The following MYO9A variants were observed in gnomAD, a reference collection of about 807,000 sequenced individuals.
MYO9A encodes the protein unconventional myosin-IXa.
Under a neutral mutation model 293.3 loss-of-function variants are expected in MYO9A, and 103 were observed. The ratio of observed to expected loss-of-function variants is 0.35; its 90% CI spans 0.30 to 0.41. MYO9A has a LOEUF of 0.41. MYO9A is among the 10% of genes least tolerant of loss of function. The probability of loss-of-function intolerance (pLI) is 1.00; values close to 1 mark genes in which losing one functional copy is unlikely to be tolerated. For synonymous variants in MYO9A, 1,001 were observed against 1,035.7 expected (o/e 0.97, Z 0.64); for missense variants, 2,685 against 3,033.0 (o/e 0.89, Z 2.69).
intron 1 of MYO9A, among the ~76,000 whole-genome samples, chr15:72,074,950 C>CTTTTTTTTTTTTTTTTTTTTTTTT (rs1567012010): frequency 2.8e-5 from 2 of 71,666 alleles, no homozygotes; most frequent in African/African-American, 5.0e-5. Context: ...ATTTTCACTG[C>CTTTTTTTTTTTTTTTTTTTTTTTT]CTTTTTTTTT....
In MYO9A at chr15:71,978,417, T is replaced by C. The variant is rs190237317; in HGVS notation, c.1723-125A>G. On this transcript the variant is annotated intron_variant, in intron 11 of 41. Transcript: ENST00000356056. ...TTTTAAAAATCACCAATCCACACAA[T>C]GAAAGAATGTATAATTTCAGTTGTA... 7 of 689,006 alleles carry C rather than the reference T, an allele frequency of 1.0e-5. No homozygotes were observed. In the South Asian group the frequency reaches 1.6e-4, roughly 16 times the overall value. 42.7% of individuals were successfully genotyped at this position (689,006 alleles called of 1,614,324 possible).
intron 12 of MYO9A, among the ~76,000 whole-genome samples, chr15:71,968,423 T>C (rs1039329845): frequency 3.3e-5 from 5 of 152,198 alleles, no homozygotes; most frequent in Admixed American, 3.3e-4. Context: ...ATTGCAGTGT[T>C]CTGAACTACT....
chr15:71,831,078 A>G (rs988708959), intron 39 of MYO9A, among the ~76,000 whole-genome samples: 2 of 151,158 alleles, frequency 1.3e-5, no homozygotes, highest in South Asian at 4.2e-4. Flanking sequence ...GCTAAGAAAC[A>G]TAAAAACTCA....
intron 1 of MYO9A, among the ~76,000 whole-genome samples, chr15:72,105,321 T>A (rs917211181): frequency 6.6e-6 from 1 of 152,008 alleles, no homozygotes; most frequent in African/African-American, 2.4e-5. Context: ...ACTCCTGGGC[T>A]CAAGTGATCC....
intron 32 of MYO9A, among the ~76,000 whole-genome samples, chr15:71,863,745 C>T (rs2056229033): frequency 6.6e-6 from 1 of 152,080 alleles, no homozygotes; most frequent in Non-Finnish European, 1.5e-5. Flanking sequence ...GAAGTCAGGG[C>T]TTTTAGGGTA....
chr15:72,004,562 A>C (rs2076964189), intron 8 of MYO9A, among the ~76,000 whole-genome samples: 1 of 152,202 alleles, frequency 6.6e-6, no homozygotes, highest in South Asian at 2.1e-4. Context: ...CATCTCAAAA[A>C]AACAACAAAA....
At chr15:72,041,105 T>C in intron 2 of MYO9A, 1 of 538,386 alleles carries the variant, frequency 1.9e-6, no homozygotes, top group Non-Finnish European at 3.5e-6. Context: ...ATTAGCCAGG[T>C]GTGGTGGTAC....
intron 1 of MYO9A, among the ~76,000 whole-genome samples, chr15:72,093,356 T>C (rs902972604): frequency 6.6e-6 from 1 of 150,510 alleles, no homozygotes; most frequent in African/African-American, 2.4e-5. Flanking sequence ...AGTGAGACCC[T>C]GTCTCTACAA....
Position 72,046,317 on chromosome 15 carries a change from C to T in MYO9A, c.247G>A (p.Val83Ile), listed in dbSNP as rs771114375. 19 of 1,613,952 alleles carry T rather than the reference C, an allele frequency of 1.2e-5. No homozygotes were observed. The East Asian group carries it at 4.2e-4, about 36-fold the overall frequency. Reference protein sequence around the residue: ...EWILNPTDCPVQRMMLWPRMA... With the variant: ...EWILNPTDCPIQRMMLWPRMA... ...CGGGGCCACAGCATCATTCGCTGAA[C>T]TGGACAATCTGTTGGATTGAGAATC... The change falls in exon 2 of 42, where the codon GTT becomes ATT. Residue 83 changes from valine to isoleucine, a missense_variant. This residue lies in a region of MYO9A where 22 missense variants were observed against 47.2 expected (regional missense o/e 0.47). Transcript: ENST00000356056.
rs1191520697 is a variant in MYO9A at position 71,836,229 on chromosome 15, G to T, written c.6838-5918C>A. On this transcript the variant is annotated intron_variant, in intron 39 of 41. Transcript: ENST00000356056. ...AAAAACAGGCAAGAGCTTTGAACAG[G>T]CTCCTCACAAAAGAGGATACAGAAA... Among the ~76,000 whole-genome samples, 5 of 151,862 alleles carry T rather than the reference G, an allele frequency of 3.3e-5. No homozygotes were observed. The South Asian group carries it at 1.0e-3, about 31-fold the overall frequency.
In MYO9A at chr15:72,118,117, G is replaced by A. The variant is rs1417697552; in HGVS notation, c.-509C>T. 8 of 384,670 alleles carry A rather than the reference G, an allele frequency of 2.1e-5. No individual in the cohort carries two copies. Among genetic ancestry groups the A allele is most frequent in the Non-Finnish European group, 3.2e-5 (7 of 217,984 alleles). The allele number at this position is 384,670 out of a possible 1,614,324, so 23.8% of individuals were successfully genotyped here. ...CCGCGCACGCGGCCCCGCCCCGCGC[G>A]ACTCCCCGGCTGCAGGCGAGCAGGC... On this transcript the variant is annotated 5_prime_UTR_variant, in exon 1 of 42. Coordinates refer to ENST00000356056, the MANE Select transcript of MYO9A (RefSeq NM_006901.4).
At chr15:71,982,005 ATTTTTTTTT>A (rs750930471) in intron 11 of MYO9A, among the ~76,000 whole-genome samples, 4 of 56,308 alleles carry the variant, frequency 7.1e-5, no homozygotes, top group African/African-American at 2.6e-4. Context: ...CCTATTTAGA[ATTTTTTTTT>A]TTTTTTTTTT....
intron 32 of MYO9A, among the ~76,000 whole-genome samples, chr15:71,869,644 T>C (rs2056446728): frequency 6.6e-6 from 1 of 152,128 alleles, no homozygotes; most frequent in South Asian, 2.1e-4. Context: ...ACTGCAATTA[T>C]ATTATGTCAA....
At chr15:71,994,332 C>A in intron 10 of MYO9A, 137 bp downstream of exon 10, 1 of 482,798 alleles carries the variant, frequency 2.1e-6, no homozygotes, top group East Asian at 3.4e-5. Context: ...TTCTTCTGAA[C>A]AGGGTAATAA....
At chr15:71,891,476 AAAGCAG>A (rs1041533536) in intron 26 of MYO9A, 11 of 152,246 alleles carry the variant, frequency 7.2e-5, no homozygotes, top group Admixed American at 7.2e-4. Context: ...TATACTAGAC[AAAGCAG>A]GACTTTTCAT....
Position 71,897,708 on chromosome 15 carries a change from G to T in MYO9A, c.4795C>A (p.Arg1599=), listed in dbSNP as rs1165785666. Residue 1599 remains arginine (R), a synonymous_variant, in exon 25 of 42, where the codon CGA becomes AGA. Transcript: ENST00000356056. ...CTTTCAAAGAACACGGTGACAGGTCGGTCCTTTGGGGGTAAGTGAGCAGAG... is the reference window on the plus strand; with the variant it reads ...CTTTCAAAGAACACGGTGACAGGTCTGTCCTTTGGGGGTAAGTGAGCAGAG... ...SSSAHLPPKD[R]PVTVFFERKG... is the part of the protein sequence containing the mutation. 6.2e-7 allele frequency: 1 copy of T among 1,614,098 alleles called. No homozygotes were observed. The highest frequency in any genetic ancestry group is 1.3e-5 in the African/African-American group (1 of 75,042).
At chr15:71,869,011 G>A in intron 32 of MYO9A, among the ~76,000 whole-genome samples, 1 of 152,048 alleles carries the variant, frequency 6.6e-6, no homozygotes, top group East Asian at 1.9e-4. Flanking sequence ...AATAAAAAGG[G>A]AATGCTTGTC....
At chr15:72,055,752 T>C (rs1381475930) in intron 1 of MYO9A, among the ~76,000 whole-genome samples, 1 of 151,504 alleles carries the variant, frequency 6.6e-6, no homozygotes, top group Non-Finnish European at 1.5e-5. Context: ...CAAAACAAAA[T>C]AACAATGTGA....
intron 4 of MYO9A, among the ~76,000 whole-genome samples, chr15:72,022,919 C>G (rs1566957957): frequency 1.3e-5 from 2 of 151,978 alleles, no homozygotes; most frequent in Non-Finnish European, 2.9e-5. Context: ...GACAGTATAG[C>G]CGATACAAAG....
Sources: gnomAD v4.1 joint callset for allele counts (sites outside exome capture counted in the v4.1 genomes callset) on GRCh38, gnomAD v4.1.1 for gene constraint, gnomAD v4.1.1 regional missense constraint, MANE v1.5 for transcripts, NCBI Gene and HGNC (gene_info 2026-07-23, HGNC 2026-07-21) for gene names.